The following POLR3B variants were observed in gnomAD, a reference collection of about 807,000 sequenced individuals.
POLR3B encodes the protein DNA-directed RNA polymerase III subunit RPC2.
POLR3B carries 96 observed loss-of-function variants against 147.4 expected under a neutral mutation model. The ratio of observed to expected loss-of-function variants is 0.65; its 90% confidence interval spans 0.55 to 0.77. The LOEUF (loss-of-function observed/expected upper bound fraction) is 0.77. POLR3B is among the 30% of genes least tolerant of loss of function. The pLI, the probability that POLR3B is intolerant of heterozygous loss-of-function variation, is 0.00. For synonymous variants in POLR3B, 461 were observed against 485.9 expected (o/e 0.95, Z 0.67); for missense variants, 1,036 against 1,413.5 (o/e 0.73, Z 4.28).
chr12:106,369,449 G>A, intron 5 of POLR3B, 99 bp downstream of exon 5: 1 of 956,744 alleles, frequency 1.0e-6, no homozygotes. Flanking sequence ...GGGATGGGGG[G>A]GGACATTCTT....
At chr12:106,501,124 G>A (rs1361162526) in intron 25 of POLR3B, among the ~76,000 whole-genome samples, 199 bp from the exon 26 acceptor site, 2 of 152,144 alleles carry the variant, frequency 1.3e-5, no homozygotes, top group African/African-American at 4.8e-5. Flanking sequence ...CTATTTCTTT[G>A]TAAAGCCATT....
In POLR3B at chr12:106,376,438, C is replaced by G. The variant is rs373099408; in HGVS notation, c.484C>G (p.Pro162Ala). 238 of 1,609,624 alleles carry G rather than the reference C, an allele frequency of 1.5e-4. No individual in the cohort carries two copies. The highest frequency in any genetic ancestry group is 1.9e-4 in the Non-Finnish European group (221 of 1,176,508). Residue 162 changes from proline (P) to alanine (A), a missense_variant, in exon 7 of 28, where the codon CCC (proline) becomes GCC (alanine). By Grantham distance (27) the Pro-to-Ala change is conservative. Coordinates refer to ENST00000228347, the MANE Select transcript of POLR3B (RefSeq NM_018082.6). ...AGAATTTGCCAAACTGAACGAATGT[C>G]CCTTAGATCCAGGTATGTGTGAAGT... ...PAEFAKLNEC[P>A]LDPGGYFIVK...
rs77411197 is a variant in POLR3B at position 106,418,142 on chromosome 12, C to G, written c.1101+7182C>G. Among the ~76,000 whole-genome samples the G allele has an allele frequency of 6.6e-3, 1,000 of 152,202 alleles. 10 individuals are homozygous for G. The highest frequency in any genetic ancestry group is 0.023 in the African/African-American group (939 of 41,560). On this transcript the variant is annotated intron_variant, in intron 12 of 27. Transcript: ENST00000228347. ...AGTCTTGATGCCACAAGAGGGTTGG[C>G]AGGCCAGCCGCCAGTAGAGGTGTTA...
chr12:106,395,865 G>A (rs1467136164), intron 10 of POLR3B, among the ~76,000 whole-genome samples: 1 of 152,108 alleles, frequency 6.6e-6, no homozygotes. Context: ...AGCTACTCGG[G>A]AGGCTGAATC....
At chr12:106,422,687 T>A (rs1336521926) in intron 12 of POLR3B, among the ~76,000 whole-genome samples, 1 of 152,340 alleles carries the variant, frequency 6.6e-6, no homozygotes, top group East Asian at 1.9e-4. Context: ...TTTTATTGTA[T>A]GTGCAGATCT....
chr12:106,494,608 T>G (rs900500934), intron 23 of POLR3B, among the ~76,000 whole-genome samples: 2 of 152,214 alleles, frequency 1.3e-5, no homozygotes, highest in African/African-American at 4.8e-5. Flanking sequence ...CCAGTAGCCC[T>G]AGGGTTTTGT....
At chr12:106,509,276 T>G (rs1364302868) in intron 27 of POLR3B, 144 bp from the exon 28 acceptor site, 1 of 842,216 alleles carries the variant, frequency 1.2e-6, no homozygotes, top group Non-Finnish European at 2.0e-6. Flanking sequence ...CGTACTTATA[T>G]GATAGTGCAA....
At chr12:106,441,477 A>G (rs2037650386) in intron 18 of POLR3B, among the ~76,000 whole-genome samples, 1 of 152,216 alleles carries the variant, frequency 6.6e-6, no homozygotes, top group African/African-American at 2.4e-5. Context: ...GCACAATGGT[A>G]AGTATTTGTG....
chr12:106,463,822 GCTGT>G (rs1592755808), intron 23 of POLR3B, among the ~76,000 whole-genome samples: 1 of 152,194 alleles, frequency 6.6e-6, no homozygotes. Flanking sequence ...GCTCCTCTAT[GCTGT>G]CTGTTTCATT....
intron 19 of POLR3B, among the ~76,000 whole-genome samples, chr12:106,445,816 C>T (rs751707046): frequency 3.3e-5 from 5 of 152,162 alleles, no homozygotes; most frequent in Non-Finnish European, 5.9e-5. Context: ...ATGCATTTAG[C>T]TCCTCCATTA....
rs146513209 is a variant in POLR3B at position 106,454,696 on chromosome 12, G to T, written c.2278G>T (p.Ala760Ser). 3 of 1,596,294 alleles carry T rather than the reference G, an allele frequency of 1.9e-6. No homozygotes were observed. In the Admixed American group the frequency reaches 5.0e-5, roughly 27 times the overall value. ...TGAAGATGCTCTTGTTTTAAACAAGGCCTCTTTAGACAGAGGTAAGTGAAT... is the reference window on the plus strand; with the variant it reads ...TGAAGATGCTCTTGTTTTAAACAAGTCCTCTTTAGACAGAGGTAAGTGAAT... Reference protein sequence around the residue: ...DIEDALVLNKASLDRGFGRCL... With the variant: ...DIEDALVLNKSSLDRGFGRCL... Residue 760 changes from alanine to serine, a missense_variant, in exon 20 of 28, where the codon GCC becomes TCC. Coordinates refer to ENST00000228347, the MANE Select transcript of POLR3B (RefSeq NM_018082.6).
chr12:106,394,341 A>AAAATG (rs1016965731), intron 10 of POLR3B, among the ~76,000 whole-genome samples: 4 of 152,334 alleles, frequency 2.6e-5, no homozygotes, highest in Non-Finnish European at 5.9e-5. Flanking sequence ...GCCTTTATCA[A>AAAATG]AAATGAAATA....
chr12:106,474,579 C>A (rs1174359763), intron 23 of POLR3B, among the ~76,000 whole-genome samples: 8 of 146,852 alleles, frequency 5.4e-5, no homozygotes, highest in Non-Finnish European at 7.5e-5. Flanking sequence ...CAACTTCTTC[C>A]TGGTTTAGTC....
At chr12:106,435,940 G>T (rs561431707) in intron 16 of POLR3B, among the ~76,000 whole-genome samples, 1 of 152,256 alleles carries the variant, frequency 6.6e-6, no homozygotes, top group African/African-American at 2.4e-5. Flanking sequence ...AACTGAGGCA[G>T]CTAAATGTGA....
rs371568203 is a variant in POLR3B at position 106,369,700 on chromosome 12, G to A, written c.404+17G>A. On this transcript the variant is annotated intron_variant, in intron 6 of 27. Transcript: ENST00000228347. Reference sequence around the variant, plus strand: ...TATCGGCAGGTGAGAAATGAAATCCGTATTAGAGCCACACTGCCTGGATTC... The same window carrying A: ...TATCGGCAGGTGAGAAATGAAATCCATATTAGAGCCACACTGCCTGGATTC... 4.7e-5 allele frequency: 70 copies of A among 1,474,036 alleles called. No individual in the cohort carries two copies. In the African/African-American group the frequency reaches 6.8e-4, roughly 14 times the overall value. 91.3% of individuals were successfully genotyped at this position (1,474,036 alleles called of 1,614,324 possible).
intron 11 of POLR3B, among the ~76,000 whole-genome samples, chr12:106,409,687 T>TG (rs201096742): frequency 6.7e-6 from 1 of 148,464 alleles, no homozygotes; most frequent in East Asian, 1.9e-4. Context: ...TTTTTTTTTT[T>TG]GAATGCAGTC....
chr12:106,440,633 A>C (rs1411983463), intron 18 of POLR3B, among the ~76,000 whole-genome samples: 1 of 151,830 alleles, frequency 6.6e-6, no homozygotes, highest in African/African-American at 2.4e-5. Context: ...CACCCCCTCC[A>C]GGTCTTCACT....
intron 11 of POLR3B, among the ~76,000 whole-genome samples, chr12:106,406,265 A>T (rs867194302): frequency 6.6e-6 from 1 of 152,250 alleles, no homozygotes; most frequent in Middle Eastern, 3.4e-3. Flanking sequence ...ACTAGATTTC[A>T]TGGTTTTGAA....
intron 9 of POLR3B, among the ~76,000 whole-genome samples, chr12:106,380,649 T>C (rs2036750497): frequency 6.6e-6 from 1 of 152,082 alleles, no homozygotes; most frequent in African/African-American, 2.4e-5. Context: ...TTTGGGTAGC[T>C]GAGATGGGAG....
Sources: allele counts gnomAD v4.1 joint callset (sites outside exome capture counted in the v4.1 genomes callset), GRCh38; gene constraint gnomAD v4.1.1; transcripts MANE v1.5; gene names NCBI Gene and HGNC (gene_info 2026-07-23, HGNC 2026-07-21).